ME1: variants seen among roughly 807,000 people sequenced by gnomAD.
ME1 encodes NADP-dependent malic enzyme.
Under a neutral mutation model 66.4 loss-of-function variants are expected in ME1, and 74 were observed. The observed-to-expected ratio is 1.11, with a 90% CI of 0.92 to 1.35. The LOEUF is 1.35. Ranked by LOEUF, ME1 falls within the 40% of genes most tolerant of loss-of-function variation. The pLI, the probability that ME1 is intolerant of heterozygous loss-of-function variation, is 0.00. For missense variants in ME1, 750 were observed against 694.1 expected (o/e 1.08, Z -0.90); for synonymous variants, 251 against 235.6 (o/e 1.07, Z -0.60).
At chr6:83,323,827 C>T (rs1158690384) in intron 5 of ME1, among the ~76,000 whole-genome samples, 1 of 152,098 alleles carries the variant, frequency 6.6e-6, no homozygotes, top group African/African-American at 2.4e-5. Context: ...CAGCTTTGGA[C>T]CAAGCCTACC....
intron 6 of ME1, among the ~76,000 whole-genome samples, chr6:83,256,353 CA>C (rs1270038560): frequency 1.3e-5 from 2 of 152,102 alleles, no homozygotes; most frequent in Non-Finnish European, 2.9e-5. Context: ...ATAATGTTCT[CA>C]AAGGGCTAAG....
At chr6:83,297,633 G>A (rs1171675554) in intron 6 of ME1, among the ~76,000 whole-genome samples, 25 of 151,918 alleles carry the variant, frequency 1.6e-4, no homozygotes, top group South Asian at 2.1e-4. Flanking sequence ...GGGATGTGCA[G>A]GTTTGTTACA....
chr6:83,262,074 G>A (rs1766910441), intron 6 of ME1, among the ~76,000 whole-genome samples: 1 of 150,252 alleles, frequency 6.7e-6, no homozygotes, highest in African/African-American at 2.4e-5. Context: ...TACATGAAAA[G>A]AGACAAATGA....
intron 6 of ME1, among the ~76,000 whole-genome samples, chr6:83,282,186 T>C (rs1021263440): frequency 1.3e-5 from 2 of 152,112 alleles, no homozygotes; most frequent in Non-Finnish European, 2.9e-5. Flanking sequence ...GGCAATAACA[T>C]TCAGGACACA....
intron 5 of ME1, among the ~76,000 whole-genome samples, chr6:83,333,764 A>C (rs1768464440): frequency 6.6e-6 from 1 of 152,232 alleles, no homozygotes; most frequent in African/African-American, 2.4e-5. Context: ...GTAGCCCGAA[A>C]GTCAATAAAA....
intron 7 of ME1, among the ~76,000 whole-genome samples, chr6:83,250,819 G>A (rs986204967): frequency 6.6e-6 from 1 of 152,150 alleles, no homozygotes; most frequent in Non-Finnish European, 1.5e-5. Flanking sequence ...TAATTCTTTA[G>A]ACCAAAGGTT....
intron 6 of ME1, among the ~76,000 whole-genome samples, chr6:83,289,320 T>G (rs1461418824): frequency 4.6e-5 from 7 of 152,340 alleles, no homozygotes; most frequent in South Asian, 2.1e-4. Context: ...TTGAGATATG[T>G]TCCATCAATA....
At chr6:83,417,648 G>C (rs1414664796) in intron 1 of ME1, among the ~76,000 whole-genome samples, 1 of 152,102 alleles carries the variant, frequency 6.6e-6, no homozygotes, top group Non-Finnish European at 1.5e-5. Flanking sequence ...CAAAGTACTG[G>C]GATTACAGGC....
intron 6 of ME1, among the ~76,000 whole-genome samples, chr6:83,305,448 A>G (rs1743244132): frequency 6.6e-6 from 1 of 152,190 alleles, no homozygotes; most frequent in Non-Finnish European, 1.5e-5. Context: ...GTAAACCTCA[A>G]AAGAAGGTTA....
At chr6:83,269,784 C>T (rs1052514212) in intron 6 of ME1, among the ~76,000 whole-genome samples, 3 of 152,094 alleles carry the variant, frequency 2.0e-5, no homozygotes, top group African/African-American at 2.4e-5. Flanking sequence ...ATGACCCAAA[C>T]GGATTTATTA....
intron 1 of ME1, among the ~76,000 whole-genome samples, chr6:83,420,075 T>G (rs1378554483): frequency 6.6e-6 from 1 of 152,078 alleles, no homozygotes; most frequent in Admixed American, 6.6e-5. Flanking sequence ...GGTATCTTTT[T>G]TTTTTCTTTT....
At chr6:83,414,717 G>A (rs140039002) in intron 1 of ME1, among the ~76,000 whole-genome samples, 7 of 152,182 alleles carry the variant, frequency 4.6e-5, no homozygotes, top group Non-Finnish European at 7.4e-5. Flanking sequence ...ATTACTGATC[G>A]TTATAGATTC....
chr6:83,396,498 C>T (rs1270319631), intron 3 of ME1, among the ~76,000 whole-genome samples: 1 of 152,054 alleles, frequency 6.6e-6, no homozygotes, highest in Non-Finnish European at 1.5e-5. Context: ...GAAAGATGTT[C>T]CATTTCATGG....
chr6:83,215,465 C>T (rs1040439640), intron 13 of ME1, among the ~76,000 whole-genome samples: 3 of 152,212 alleles, frequency 2.0e-5, no homozygotes, highest in African/African-American at 7.2e-5. Context: ...TAACTACTGT[C>T]ATGGCTAAAC....
chr6:83,364,701 G>A (rs1208505173), intron 3 of ME1, among the ~76,000 whole-genome samples: 1 of 151,950 alleles, frequency 6.6e-6, no homozygotes, highest in Non-Finnish European at 1.5e-5. Context: ...ATGTGAATAT[G>A]TGGGTATATA....
intron 5 of ME1, among the ~76,000 whole-genome samples, chr6:83,331,269 C>G (rs1285705720): frequency 6.6e-6 from 1 of 151,982 alleles, no homozygotes; most frequent in African/African-American, 2.4e-5. Flanking sequence ...AGAGTGGGCC[C>G]TAATCCAATA....
At position 83,398,444 on chromosome 6, in the gene ME1, C is replaced by G. The variant is rs766175526; in HGVS notation, c.285G>C (p.Glu95Asp). 17 of 1,599,680 alleles carry G rather than the reference C, an allele frequency of 1.1e-5. No homozygotes were observed. The African/African-American group carries it at 2.2e-4, about 20-fold the overall frequency. The change falls in exon 3 of 14, where the codon GAG (glutamate) becomes GAC (aspartate). Residue 95 changes from glutamate (E) to aspartate (D), a missense_variant. Coordinates refer to ENST00000369705, the MANE Select transcript of ME1 (RefSeq NM_002395.6). ...LFYRVLTSDI[E>D]KFMPIVYTPT... ...GAGTATAAACAATAGGCATGAATTT[C>G]TCAATGTCAGATGTCAGCACTCTAT...
At chr6:83,416,231 C>T (rs976124186) in intron 1 of ME1, among the ~76,000 whole-genome samples, 13 of 152,034 alleles carry the variant, frequency 8.6e-5, no homozygotes, top group African/African-American at 3.1e-4. Context: ...AAAATGAGAC[C>T]AGGTGTTTTT....
intron 6 of ME1, among the ~76,000 whole-genome samples, chr6:83,304,762 G>A (rs1018352038): frequency 6.6e-6 from 1 of 152,188 alleles, no homozygotes; most frequent in African/African-American, 2.4e-5. Flanking sequence ...GAGTTAGCCA[G>A]AATGTGATCA....
Sources: gnomAD v4.1 joint callset for allele counts (sites outside exome capture counted in the v4.1 genomes callset) on GRCh38, gnomAD v4.1.1 for gene constraint, MANE v1.5 for transcripts, NCBI Gene and HGNC (gene_info 2026-07-23, HGNC 2026-07-21) for gene names.